The following NRXN3 variants were observed in gnomAD, a reference collection of about 807,000 sequenced individuals.
NRXN3 encodes neurexin 3, also known as neurexin III.
A neutral mutation model predicts 137.6 loss-of-function variants in NRXN3; 32 were observed. That is an observed-to-expected ratio of 0.23 (90% confidence interval 0.18 to 0.31). The LOEUF (loss-of-function observed/expected upper bound fraction) is 0.31. NRXN3 is among the 10% of genes least tolerant of loss of function. The pLI is 1.00. For synonymous variants in NRXN3, 798 were observed against 784.5 expected, an observed-to-expected ratio of 1.02 and a Z score of -0.29; for missense variants, 1,574 against 2,062.5, an observed-to-expected ratio of 0.76 and a Z score of 4.59.
chr14:78,356,994 G>A (rs1181195381), intron 4 of NRXN3, among the ~76,000 whole-genome samples: 1 of 152,154 alleles, frequency 6.6e-6, no homozygotes, highest in Non-Finnish European at 1.5e-5. Context: ...CCCTCACCAA[G>A]GGCCTAGAGC....
rs188088509 is a variant in NRXN3 at position 78,673,762 on chromosome 14, T to C, written c.1221+22436T>C. On this transcript the variant is annotated intron_variant, in intron 6 of 20. Coordinates refer to ENST00000335750, the MANE Select transcript of NRXN3 (RefSeq NM_001330195.2). ...TCCCACTCATGAGGGCTCCTACTCA[T>C]GATCTAATTAGAACCAAAGGTCCCA... Among the ~76,000 whole-genome samples the C allele has an allele frequency of 3.9e-5, 6 of 152,298 alleles. No homozygotes were observed. The East Asian group carries it at 1.2e-3, about 29-fold the overall frequency.
intron 10 of NRXN3, among the ~76,000 whole-genome samples, chr14:78,926,728 T>TA (rs2099295313): frequency 2.6e-5 from 2 of 76,594 alleles, no homozygotes; most frequent in South Asian, 6.1e-4. Flanking sequence ...TAATTATATA[T>TA]AATATAAAAT....
intron 16 of NRXN3, among the ~76,000 whole-genome samples, chr14:79,638,479 CAAACTGT>C (rs113639114): frequency 4.7e-4 from 71 of 152,262 alleles, no homozygotes; most frequent in African/African-American, 1.7e-3. Flanking sequence ...TCAGGTCTGT[CAAACTGT>C]AATACCCAGG....
At chr14:79,635,676 T>C (rs2098398395) in intron 16 of NRXN3, among the ~76,000 whole-genome samples, 1 of 152,214 alleles carries the variant, frequency 6.6e-6, no homozygotes, top group Non-Finnish European at 1.5e-5. Flanking sequence ...TGTCATCAAA[T>C]GGCGTTTTCC....
At chr14:78,970,999 T>C (rs921910083) in intron 14 of NRXN3, among the ~76,000 whole-genome samples, 2 of 152,194 alleles carry the variant, frequency 1.3e-5, no homozygotes, top group African/African-American at 4.8e-5. Context: ...TTGTTGATTG[T>C]ACACAAATGA....
chr14:79,050,556 CT>C (rs1427191923), intron 15 of NRXN3, among the ~76,000 whole-genome samples: 2 of 152,210 alleles, frequency 1.3e-5, no homozygotes, highest in Non-Finnish European at 2.9e-5. Flanking sequence ...AGATGAGAAT[CT>C]GATGGACGAT....
At chr14:79,742,419 A>AC (rs1349874311) in intron 19 of NRXN3, among the ~76,000 whole-genome samples, 1 of 151,552 alleles carries the variant, frequency 6.6e-6, no homozygotes, top group Non-Finnish European at 1.5e-5. Context: ...TTAGTTAGAC[A>AC]CCCCCTCCCT....
intron 8 of NRXN3, among the ~76,000 whole-genome samples, chr14:78,757,762 T>C (rs879450959): frequency 4.6e-5 from 7 of 152,220 alleles, no homozygotes; most frequent in Non-Finnish European, 1.0e-4. Context: ...AATGGTAATA[T>C]GCCATTGTTA....
At chr14:79,335,518 T>C (rs1378702918) in intron 15 of NRXN3, among the ~76,000 whole-genome samples, 1 of 152,182 alleles carries the variant, frequency 6.6e-6, no homozygotes, top group Non-Finnish European at 1.5e-5. Context: ...TATTCTGTAC[T>C]CCTTTTACTC....
chr14:78,621,567 C>T (rs2097404285), intron 4 of NRXN3, among the ~76,000 whole-genome samples: 1 of 152,074 alleles, frequency 6.6e-6, no homozygotes, highest in Non-Finnish European at 1.5e-5. Context: ...ACCTTATGTT[C>T]TTGGAGATAA....
intron 15 of NRXN3, among the ~76,000 whole-genome samples, chr14:79,046,137 A>G (rs1175517268): frequency 6.6e-6 from 1 of 152,216 alleles, no homozygotes; most frequent in Non-Finnish European, 1.5e-5. Context: ...CAATGGAGTA[A>G]CATGACACCA....
chr14:78,654,039 G>C (rs755169485), intron 6 of NRXN3, among the ~76,000 whole-genome samples: 2 of 152,170 alleles, frequency 1.3e-5, no homozygotes, highest in East Asian at 3.8e-4. Flanking sequence ...TAAGGGACTC[G>C]GAAGTCTTCT....
chr14:79,726,149 T>G (rs1258275043), intron 19 of NRXN3, among the ~76,000 whole-genome samples: 1 of 152,198 alleles, frequency 6.6e-6, no homozygotes, highest in East Asian at 1.9e-4. Flanking sequence ...TTTTTTTGTT[T>G]CTGTTATTCT....
intron 14 of NRXN3, among the ~76,000 whole-genome samples, chr14:78,987,259 C>T (rs1355539520): frequency 2.0e-5 from 3 of 152,094 alleles, no homozygotes; most frequent in African/African-American, 7.2e-5. Context: ...TTGAGAACCA[C>T]TGGTATAGTC....
At chr14:78,847,028 G>A (rs375931635) in intron 10 of NRXN3, among the ~76,000 whole-genome samples, 3 of 152,148 alleles carry the variant, frequency 2.0e-5, no homozygotes, top group African/African-American at 7.2e-5. Context: ...GTGCACATGT[G>A]GTCCCTCACT....
At chr14:79,611,267 T>C (rs574517880) in intron 16 of NRXN3, among the ~76,000 whole-genome samples, 2 of 152,276 alleles carry the variant, frequency 1.3e-5, no homozygotes, top group East Asian at 1.9e-4. Context: ...AAGGTAAAAA[T>C]GGTTTATGAC....
intron 10 of NRXN3, among the ~76,000 whole-genome samples, chr14:78,857,969 C>T (rs2099062101): frequency 6.6e-6 from 1 of 152,168 alleles, no homozygotes. Flanking sequence ...GTTTCTTCTA[C>T]TCAGCTTTTC....
chr14:79,288,301 T>A (rs2082618515), intron 15 of NRXN3, among the ~76,000 whole-genome samples: 1 of 152,252 alleles, frequency 6.6e-6, no homozygotes, highest in Non-Finnish European at 1.5e-5. Context: ...AGCTCTATGT[T>A]ATGTTTAAAA....
chr14:79,611,339 C>T (rs56212745), intron 16 of NRXN3: 12,174 of 152,296 alleles, frequency 0.08, 646 homozygotes, highest in Admixed American at 0.12. Context: ...TAATGTTGTG[C>T]CTGTAATCCC....
Sources: allele counts gnomAD v4.1 joint callset (sites outside exome capture counted in the v4.1 genomes callset), GRCh38; gene constraint gnomAD v4.1.1; transcripts MANE v1.5; gene names NCBI Gene and HGNC (gene_info 2026-07-23, HGNC 2026-07-21).